CCSER1: variants seen among roughly 807,000 people sequenced by gnomAD.
The protein encoded by CCSER1 is serine-rich coiled-coil domain-containing protein 1.
CCSER1 carries 41 observed loss-of-function variants against 82.0 expected under a neutral mutation model. The observed-to-expected ratio is 0.50, with a 90% CI of 0.39 to 0.65. The LOEUF (loss-of-function observed/expected upper bound fraction) is 0.65, where lower values mean the gene tolerates loss of function less well. Ranked by LOEUF, CCSER1 falls within the 30% of genes least tolerant of loss-of-function variation. The pLI is 0.00. For missense variants in CCSER1, 1,119 were observed against 1,064.2 expected (o/e 1.05, Z -0.72); for synonymous variants, 414 against 383.9 (o/e 1.08, Z -0.92).
chr4:91,270,861 G>A (rs775167038), intron 10 of CCSER1, among the ~76,000 whole-genome samples: 2 of 152,048 alleles, frequency 1.3e-5, no homozygotes, highest in Non-Finnish European at 2.9e-5. Flanking sequence ...TTTTAAATAA[G>A]TACATGGTGT....
intron 9 of CCSER1, among the ~76,000 whole-genome samples, chr4:91,027,763 G>A (rs977253734): frequency 1.3e-5 from 2 of 152,034 alleles, no homozygotes; most frequent in African/African-American, 2.4e-5. Context: ...TATTGTATTA[G>A]AAGGAACCAG....
At chr4:90,683,578 C>T (rs559561240) in intron 6 of CCSER1, among the ~76,000 whole-genome samples, 6 of 151,914 alleles carry the variant, frequency 3.9e-5, no homozygotes, top group South Asian at 2.1e-4. Flanking sequence ...CTTTGTAAAA[C>T]GAAAATGGCT....
intron 5 of CCSER1, among the ~76,000 whole-genome samples, chr4:90,626,104 T>C (rs1221478407): frequency 6.6e-6 from 1 of 152,170 alleles, no homozygotes; most frequent in Non-Finnish European, 1.5e-5. Flanking sequence ...CTTAGAGCCA[T>C]GGACAGGAGC....
chr4:90,382,117 A>G (rs1310233904), intron 3 of CCSER1, among the ~76,000 whole-genome samples: 3 of 152,228 alleles, frequency 2.0e-5, no homozygotes, highest in Admixed American at 6.5e-5. Context: ...TGATGATCTA[A>G]TCAGTGGGAT....
At chr4:90,513,697 G>C (rs1225150336) in intron 5 of CCSER1, among the ~76,000 whole-genome samples, 2 of 152,096 alleles carry the variant, frequency 1.3e-5, no homozygotes, top group African/African-American at 4.8e-5. Flanking sequence ...GCTGAAATTG[G>C]GTAGATGAAG....
chr4:90,254,317 A>G (rs987285026), intron 1 of CCSER1, among the ~76,000 whole-genome samples: 1 of 152,150 alleles, frequency 6.6e-6, no homozygotes, highest in Non-Finnish European at 1.5e-5. Flanking sequence ...GTGGTCAGGA[A>G]GTCGCTCACT....
At chr4:90,867,631 A>G (rs1201795333) in intron 8 of CCSER1, among the ~76,000 whole-genome samples, 1 of 151,928 alleles carries the variant, frequency 6.6e-6, no homozygotes, top group Non-Finnish European at 1.5e-5. Context: ...ATACTAGATC[A>G]TATTCATCCT....
chr4:90,401,697 T>G (rs1752898696), intron 4 of CCSER1, among the ~76,000 whole-genome samples: 1 of 151,992 alleles, frequency 6.6e-6, no homozygotes, highest in African/African-American at 2.4e-5. Context: ...CCACATCCAA[T>G]TTTTGTATTT....
At chr4:90,986,928 AT>A (rs939239816) in intron 9 of CCSER1, among the ~76,000 whole-genome samples, 3 of 151,680 alleles carry the variant, frequency 2.0e-5, no homozygotes, top group Non-Finnish European at 4.4e-5. Flanking sequence ...GAGAGAGAGA[AT>A]GAGGGAAGAG....
At chr4:90,934,230 A>C (rs1224560489) in intron 9 of CCSER1, among the ~76,000 whole-genome samples, 4 of 152,164 alleles carry the variant, frequency 2.6e-5, no homozygotes, top group Non-Finnish European at 5.9e-5. Context: ...AACTTCAATC[A>C]GAAACAAAAT....
chr4:90,260,482 A>G (rs1724117194), intron 1 of CCSER1, among the ~76,000 whole-genome samples: 1 of 152,132 alleles, frequency 6.6e-6, no homozygotes, highest in Admixed American at 6.5e-5. Flanking sequence ...TTCTTGTTGG[A>G]CTGCTACTTT....
At chr4:91,051,387 A>G (rs1742992536) in intron 9 of CCSER1, among the ~76,000 whole-genome samples, 1 of 152,184 alleles carries the variant, frequency 6.6e-6, no homozygotes, top group Non-Finnish European at 1.5e-5. Context: ...AGTAACATCA[A>G]TTGCTATTGG....
At chr4:90,462,095 A>C (rs977024511) in intron 4 of CCSER1, among the ~76,000 whole-genome samples, 6 of 147,474 alleles carry the variant, frequency 4.1e-5, no homozygotes, top group African/African-American at 1.6e-4. Context: ...TAATTTCATC[A>C]AAAAACTTTG....
chr4:90,950,793 T>C (rs1732824083), intron 9 of CCSER1, among the ~76,000 whole-genome samples: 1 of 152,090 alleles, frequency 6.6e-6, no homozygotes. Flanking sequence ...GAGTCTGTAT[T>C]TGTTTATCCT....
At chr4:90,627,422 A>G (rs961540677) in intron 5 of CCSER1, among the ~76,000 whole-genome samples, 1 of 151,816 alleles carries the variant, frequency 6.6e-6, no homozygotes, top group South Asian at 2.1e-4. Flanking sequence ...ATAAAAATAT[A>G]TTATGTAAGA....
chr4:91,282,991 CA>C (rs1280959216), intron 10 of CCSER1, among the ~76,000 whole-genome samples: 1 of 151,882 alleles, frequency 6.6e-6, no homozygotes, highest in African/African-American at 2.4e-5. Flanking sequence ...ATGTTCAATA[CA>C]TATTATTTAA....
At chr4:90,750,085 G>A (rs1748333410) in intron 7 of CCSER1, among the ~76,000 whole-genome samples, 1 of 151,892 alleles carries the variant, frequency 6.6e-6, no homozygotes, top group African/African-American at 2.4e-5. Context: ...CTGCATAAAT[G>A]TCTTCTTTTG....
chr4:90,794,477 G>A (rs1224056270), intron 7 of CCSER1, among the ~76,000 whole-genome samples: 1 of 152,132 alleles, frequency 6.6e-6, no homozygotes, highest in Non-Finnish European at 1.5e-5. Flanking sequence ...ATTTGTAGCT[G>A]TGTGGCCTTA....
Position 90,262,630 on chromosome 4 carries a change from A to G in CCSER1, c.-41-45614A>G, listed in dbSNP as rs547618894. On this transcript the variant is annotated intron_variant, in intron 1 of 10. Transcript: ENST00000509176. The stretch of plus-strand genomic sequence containing the variant: ...AGCCAGTGGGTAGATGCAATACCCA[A>G]TGGTGGGCAGGGATCCCAGCCTTGA... Among the ~76,000 whole-genome samples the G allele has an allele frequency of 5.9e-5, 9 of 152,268 alleles. 1 individual carries two copies. The South Asian group carries it at 1.7e-3, about 28-fold the overall frequency.
Sources: gnomAD v4.1 joint callset for allele counts (sites outside exome capture counted in the v4.1 genomes callset) on GRCh38, gnomAD v4.1.1 for gene constraint, MANE v1.5 for transcripts, NCBI Gene and HGNC (gene_info 2026-07-23, HGNC 2026-07-21) for gene names.